The following FHL1 variants were observed in gnomAD, a reference collection of about 807,000 sequenced individuals.
FHL1 encodes four and a half LIM domains protein 1.
FHL1 carries 1 observed loss-of-function variant against 20.3 expected under a neutral mutation model. That is an observed-to-expected ratio of 0.05 (90% CI 0.02 to 0.23). The LOEUF is 0.23. FHL1 is among the 10% of genes least tolerant of loss of function. The pLI is 1.00. For missense variants in FHL1, 177 were observed against 234.0 expected (o/e 0.76, Z 1.59); for synonymous variants, 82 against 88.9 (o/e 0.92, Z 0.44).
chrX:136,159,716 T>C (rs1294645712), intron 1 of FHL1, among the ~76,000 whole-genome samples: 1 of 111,919 alleles, frequency 8.9e-6, no homozygotes, highest in East Asian at 2.8e-4. Context: ...AGTTGCACAA[T>C]AGTCAGTAGA....
intron 1 of FHL1, among the ~76,000 whole-genome samples, chrX:136,199,065 C>T (rs928575454): frequency 2.7e-5 from 3 of 111,782 alleles, no homozygotes; most frequent in African/African-American, 9.8e-5. Context: ...TACTACTTCA[C>T]CACAGCTGGA....
At chrX:136,195,359 CATTAAGGTTA>C (rs1234260349), upstream of FHL1, among the ~76,000 whole-genome samples, 1 of 112,350 alleles carries the variant, frequency 8.9e-6, no homozygotes, top group Non-Finnish European at 1.9e-5. Context: ...ATTCAGGGTT[CATTAAGGTTA>C]ATCATCTAAT....
chrX:136,190,200 T>C lies in FHL1; in HGVS notation c.-26-16207T>C, dbSNP rs2073400910. ...CTTTGATGGCTTCTGCTCCTCTAGC[T>C]GCAGACTCTCCTTGCGTTCTCCTTT... On this transcript the variant is annotated intron_variant, in intron 2 of 6. Transcript: ENST00000394153. Among the ~76,000 whole-genome samples, 4 of 111,854 alleles carry C rather than the reference T, an allele frequency of 3.6e-5. No homozygotes were observed. The South Asian group carries it at 1.1e-3, about 31-fold the overall frequency.
chrX:136,207,518 T>C, intron 3 of FHL1: 1 of 427,580 alleles, frequency 2.3e-6, no homozygotes, highest in Non-Finnish European at 4.1e-6. Flanking sequence ...CAGTCCCTGA[T>C]TTAATGTCTA....
chrX:136,167,177 T>A (rs2072733795), upstream of FHL1: 1 of 111,929 alleles, frequency 8.9e-6, no homozygotes, highest in African/African-American at 3.3e-5. Flanking sequence ...CCATGCTAAG[T>A]ACTGGGAGAT....
chrX:136,171,954 G>A (rs899977178), intron 2 of FHL1, among the ~76,000 whole-genome samples: 1 of 109,794 alleles, frequency 9.1e-6, no homozygotes, highest in African/African-American at 3.3e-5. Context: ...GCAGTGGTGC[G>A]ATCTGGCTCA....
intron 3 of FHL1, 174 bp downstream of exon 3, chrX:136,207,364 C>T: frequency 4.3e-6 from 2 of 469,038 alleles, no homozygotes; most frequent in Admixed American, 4.0e-5. Context: ...TGCTCGCACA[C>T]ACGCACACAC....
At chrX:136,158,240 G>A (rs1311701797) in intron 1 of FHL1, among the ~76,000 whole-genome samples, 1 of 111,691 alleles carries the variant, frequency 9.0e-6, no homozygotes, top group Non-Finnish European at 1.9e-5. Flanking sequence ...TGCAAAGCAA[G>A]CTTTTCATAT....
intron 4 of FHL1, 69 bp downstream of exon 4, chrX:136,208,030 C>A: frequency 1.8e-6 from 2 of 1,092,593 alleles, no homozygotes; most frequent in Non-Finnish European, 2.5e-6. Flanking sequence ...CAGAGCACTT[C>A]CACACACACT....
chrX:136,159,742 A>G (rs1002329042), intron 1 of FHL1, among the ~76,000 whole-genome samples: 40 of 111,905 alleles, frequency 3.6e-4, no homozygotes, highest in Middle Eastern at 4.2e-3. Context: ...CAGTGGGAGC[A>G]GTGGGTTGGG....
intron 1 of FHL1, among the ~76,000 whole-genome samples, chrX:136,152,719 CAA>C (rs768022110): frequency 9.4e-5 from 5 of 53,007 alleles, no homozygotes; most frequent in African/African-American, 2.4e-4. Context: ...GACTCCATCT[CAA>C]AAAAAAAAAA....
Position 136,210,808 on chromosome X carries a change from T to G in FHL1, c.*783T>G. ...ACTAACCCTGCTGTCCTTTTTATTG[T>G]TTTTAATTAATATTTTTGTTTTAAT... On this transcript the variant is annotated 3_prime_UTR_variant, in exon 6 of 6. Transcript: ENST00000370683. 2.6e-6 allele frequency: 1 copy of G among 385,421 alleles called. No homozygotes were observed. Among genetic ancestry groups the G allele is most frequent in the South Asian group, 2.6e-5 (1 of 38,728 alleles). 31.8% of individuals were successfully genotyped at this position (385,421 alleles called of 1,213,427 possible).
At chrX:136,166,318 C>T (rs146244262), upstream of FHL1, among the ~76,000 whole-genome samples, 146 of 112,277 alleles carry the variant, frequency 1.3e-3, 1 homozygote, top group Non-Finnish European at 1.7e-3. Context: ...GAAGACTGCT[C>T]CAGCATGAGT....
chrX:136,208,088 C>T, intron 4 of FHL1, 127 bp downstream of exon 4: 1 of 878,831 alleles, frequency 1.1e-6, no homozygotes, highest in East Asian at 3.2e-5. Flanking sequence ...AATTATTATT[C>T]CCGTTTTACA....
At chrX:136,191,506 C>T (rs193238766) in intron 2 of FHL1, among the ~76,000 whole-genome samples, 67 of 112,175 alleles carry the variant, frequency 6.0e-4, no homozygotes, top group African/African-American at 2.1e-3. Context: ...TTCCGTGCAC[C>T]ATGTTAGGTT....
chrX:136,201,895 T>A (rs1447579055), intron 1 of FHL1, among the ~76,000 whole-genome samples: 1 of 112,035 alleles, frequency 8.9e-6, no homozygotes, highest in East Asian at 2.8e-4. Flanking sequence ...TGGCTGACAC[T>A]CCCATTCCCG....
chrX:136,186,817 G>A (rs1240414784), intron 2 of FHL1, among the ~76,000 whole-genome samples: 1 of 102,747 alleles, frequency 9.7e-6, no homozygotes, highest in Non-Finnish European at 2.0e-5. Context: ...TCGCACCATT[G>A]CACTCCAGCC....
At chrX:136,161,457 A>T (rs899834909) in intron 1 of FHL1, among the ~76,000 whole-genome samples, 2 of 112,337 alleles carry the variant, frequency 1.8e-5, no homozygotes, top group Admixed American at 1.9e-4. Flanking sequence ...AATGAGACTT[A>T]GGGTATTTTG....
intron 2 of FHL1, among the ~76,000 whole-genome samples, chrX:136,170,719 G>C (rs1332037850): frequency 1.8e-5 from 2 of 110,791 alleles, no homozygotes; most frequent in Non-Finnish European, 3.8e-5. Context: ...ATACAGTAAT[G>C]GTCCCTCCTT....
Sources: gnomAD v4.1 joint callset for allele counts (sites outside exome capture counted in the v4.1 genomes callset) on GRCh38, gnomAD v4.1.1 for gene constraint, MANE v1.5 for transcripts, NCBI Gene and HGNC (gene_info 2026-07-23, HGNC 2026-07-21) for gene names.